Variants in NHSL1 observed in about 807,000 individuals in gnomAD.
NHSL1 encodes NHS like 1, also known as NHS-like protein 1.
NHSL1 carries 48 observed loss-of-function variants against 95.0 expected under a neutral mutation model. The ratio of observed to expected loss-of-function variants is 0.51; its 90% confidence interval spans 0.40 to 0.64. The LOEUF (loss-of-function observed/expected upper bound fraction) is 0.64. Ranked by LOEUF, NHSL1 falls within the 30% of genes least tolerant of loss-of-function variation. The pLI, the probability that NHSL1 is intolerant of heterozygous loss-of-function variation, is 0.00. For synonymous variants in NHSL1, 783 were observed against 833.9 expected (o/e 0.94, Z 1.05); for missense variants, 1,971 against 2,077.7 (o/e 0.95, Z 1.00).
chr6:138,610,397 G>T (rs1215867541), intron 1 of NHSL1, among the ~76,000 whole-genome samples: 1 of 151,890 alleles, frequency 6.6e-6, no homozygotes, highest in African/African-American at 2.4e-5. Context: ...TAGTGGAGTG[G>T]GGGGAGCGGG....
chr6:138,505,756 T>C (rs575018138), intron 1 of NHSL1, among the ~76,000 whole-genome samples: 1 of 151,756 alleles, frequency 6.6e-6, no homozygotes, highest in African/African-American at 2.4e-5. Flanking sequence ...TCAGACATAA[T>C]AGAGTTCTGC....
intron 1 of NHSL1, among the ~76,000 whole-genome samples, chr6:138,673,430 C>T (rs1293452649): frequency 1.2e-4 from 18 of 149,982 alleles, no homozygotes; most frequent in African/African-American, 4.2e-4. Context: ...GCATTTTTTA[C>T]TTCTTCTATT....
At chr6:138,690,699 C>T (rs568733716) in intron 1 of NHSL1, among the ~76,000 whole-genome samples, 1 of 152,120 alleles carries the variant, frequency 6.6e-6, no homozygotes, top group South Asian at 2.1e-4. Context: ...TGAGATTGCA[C>T]CACAGCACTC....
At chr6:138,675,092 C>A (rs1328518959) in intron 1 of NHSL1, among the ~76,000 whole-genome samples, 1 of 151,596 alleles carries the variant, frequency 6.6e-6, no homozygotes, top group Non-Finnish European at 1.5e-5. Context: ...AGAGGCACTA[C>A]AAACAGCCCC....
chr6:138,518,482 T>C (rs1781546031), intron 1 of NHSL1, among the ~76,000 whole-genome samples: 1 of 151,700 alleles, frequency 6.6e-6, no homozygotes, highest in Admixed American at 6.6e-5. Flanking sequence ...AATGATTTTT[T>C]TTTTTTTTTT....
chr6:138,499,154 C>CACAG lies in NHSL1; in HGVS notation c.58+78_58+79insCTGT. 5.3e-6 allele frequency: 3 copies of CACAG among 570,306 alleles called. No homozygotes were observed. In the South Asian group the frequency reaches 7.8e-5, roughly 15 times the overall value. 35.3% of individuals were successfully genotyped at this position (570,306 alleles called of 1,614,324 possible). Reference sequence around the variant, plus strand: ...ACATGGACACACACACACACACACACACACAGACACACAGGGACATATACA... The same window carrying CACAG: ...ACATGGACACACACACACACACACACACAGACACAGACACACAGGGACATATACA... On this transcript the variant is annotated intron_variant, in intron 1 of 7. Coordinates refer to ENST00000343505, the MANE Select transcript of NHSL1 (RefSeq NM_001144060.2).
Position 138,433,576 on chromosome 6 carries a change from A to G in NHSL1, c.769T>C (p.Ser257Pro). The G allele has an allele frequency of 3.2e-6, 5 of 1,551,934 alleles. No individual in the cohort carries two copies. Among genetic ancestry groups the G allele is most frequent in the African/African-American group, 1.4e-5 (1 of 73,090 alleles). ...FNSCRSAGQR[S>P]ETRDSSCQTE... is the part of the protein sequence containing the mutation. ...TGACAGCTGGAGTCCCTGGTTTCTG[A>G]GCGCTGCCCAGCAGACCGACAGCTA... Residue 257 changes from serine to proline, a missense_variant, in exon 6 of 8, where the codon TCA (serine) becomes CCA (proline). Physicochemically the swap from Ser to Pro is moderately conservative, Grantham distance 74. Coordinates refer to ENST00000343505, the MANE Select transcript of NHSL1 (RefSeq NM_001144060.2).
chr6:138,504,060 A>C (rs1361542289), upstream of NHSL1, among the ~76,000 whole-genome samples: 1 of 141,140 alleles, frequency 7.1e-6, no homozygotes, highest in African/African-American at 2.6e-5. Context: ...GAGAGACCCT[A>C]TCCCCCCAAA....
chr6:138,554,323 A>G (rs984877176), intron 1 of NHSL1, among the ~76,000 whole-genome samples: 6 of 152,156 alleles, frequency 3.9e-5, no homozygotes, highest in African/African-American at 1.4e-4. Context: ...CACCCACCAA[A>G]AAAAGTCATT....
chr6:138,432,923 G>A lies in NHSL1; in HGVS notation c.1422C>T (p.Gly474=), dbSNP rs1229246360. Residue 474 remains glycine (G), a synonymous_variant, in exon 6 of 8, where the codon GGC becomes GGT. Transcript: ENST00000343505. The surrounding 1 kb of genome is among the most constrained non-coding windows in gnomAD (Gnocchi z 4.4). ...PQSPGRHWNE[G]HATILSQDLD... ...AGTCCTGTGAAAGAATGGTGGCATG[G>A]CCCTCATTCCAGTGGCGACCGGGAG... 7 of 1,551,356 alleles carry A rather than the reference G, an allele frequency of 4.5e-6. No individual in the cohort carries two copies. Among genetic ancestry groups the A allele is most frequent in the Non-Finnish European group, 6.1e-6 (7 of 1,146,680 alleles).
upstream of NHSL1, among the ~76,000 whole-genome samples, chr6:138,576,269 A>G (rs186230190): frequency 4.3e-4 from 66 of 152,154 alleles, no homozygotes; most frequent in East Asian, 7.2e-3. Context: ...TGGGATTACA[A>G]GCATGACCCA....
upstream of NHSL1, among the ~76,000 whole-genome samples, chr6:138,574,631 G>A (rs1016380055): frequency 2.0e-5 from 3 of 150,922 alleles, no homozygotes; most frequent in East Asian, 2.0e-4. Context: ...GTTCAAGCTC[G>A]GCCTGGGAAA....
chr6:138,669,198 G>C (rs1785332841), intron 1 of NHSL1, among the ~76,000 whole-genome samples: 1 of 151,982 alleles, frequency 6.6e-6, no homozygotes, highest in Non-Finnish European at 1.5e-5. Flanking sequence ...TCTAGCAAAG[G>C]GGGCGAACTG....
chr6:138,519,725 C>T (rs1781596741), intron 1 of NHSL1, among the ~76,000 whole-genome samples: 1 of 152,204 alleles, frequency 6.6e-6, no homozygotes, highest in South Asian at 2.1e-4. Flanking sequence ...ACTTAGGCAT[C>T]TCTAGCAAGG....
At chr6:138,594,042 C>G (rs1784268557) in intron 1 of NHSL1, among the ~76,000 whole-genome samples, 2 of 152,152 alleles carry the variant, frequency 1.3e-5, no homozygotes, top group South Asian at 4.1e-4. Context: ...TTGTCTTGTT[C>G]ACTACAGGAC....
intron 1 of NHSL1, among the ~76,000 whole-genome samples, chr6:138,571,263 G>C (rs1042621884): frequency 6.6e-6 from 1 of 152,126 alleles, no homozygotes. Flanking sequence ...AAGCATTCAT[G>C]TAATTCCTCA....
At chr6:138,520,327 T>C (rs1035595212) in intron 1 of NHSL1, among the ~76,000 whole-genome samples, 2 of 138,906 alleles carry the variant, frequency 1.4e-5, no homozygotes, top group African/African-American at 5.3e-5. Flanking sequence ...TCCCGCTCTG[T>C]CACCAGGCTG....
intron 1 of NHSL1, among the ~76,000 whole-genome samples, chr6:138,634,694 G>T (rs1784865297): frequency 6.6e-6 from 1 of 151,916 alleles, no homozygotes; most frequent in African/African-American, 2.4e-5. Context: ...AGACCAAATA[G>T]ACCTAAGAGA....
chr6:138,628,252 C>T (rs1329791293), intron 1 of NHSL1, among the ~76,000 whole-genome samples: 2 of 148,272 alleles, frequency 1.3e-5, no homozygotes, highest in African/African-American at 2.5e-5. Flanking sequence ...GCGGAGGTTG[C>T]GGTGAGCTGA....
Sources: allele counts gnomAD v4.1 joint callset (sites outside exome capture counted in the v4.1 genomes callset), GRCh38; gene constraint gnomAD v4.1.1; non-coding constraint Gnocchi (gnomAD v3.1); transcripts MANE v1.5; gene names NCBI Gene and HGNC (gene_info 2026-07-23, HGNC 2026-07-21).